The following NFIC variants were observed in gnomAD, a reference collection of about 807,000 sequenced individuals.
The protein encoded by NFIC is nuclear factor I C, also known as nuclear factor 1 C-type.
NFIC carries 12 observed loss-of-function variants against 54.4 expected under a neutral mutation model. The ratio of observed to expected loss-of-function variants is 0.22; its 90% CI spans 0.14 to 0.36. The LOEUF is 0.36. Ranked by LOEUF, NFIC falls within the 10% of genes least tolerant of loss-of-function variation. NFIC has a pLI of 1.00. For missense variants in NFIC, 575 were observed against 718.2 expected, an observed-to-expected ratio of 0.80 and a Z score of 2.28; for synonymous variants, 322 against 319.2, an observed-to-expected ratio of 1.01 and a Z score of -0.09.
At chr19:3,395,515 G>T (rs2081448372) in intron 2 of NFIC, among the ~76,000 whole-genome samples, 4 of 137,126 alleles carry the variant, frequency 2.9e-5, no homozygotes, top group Non-Finnish European at 3.1e-5. Flanking sequence ...TTTTTTAGTA[G>T]AGATGAGGTC....
Position 3,370,795 on chromosome 19 carries a change from T to C in NFIC, c.30+4129T>C, listed in dbSNP as rs2080993995. On this transcript the variant is annotated intron_variant, in intron 1 of 10. Transcript: ENST00000443272. The surrounding 1 kb of genome is among the most constrained non-coding windows in gnomAD (Gnocchi z 5.2). ...GCCTCCCTCCCTGTCTCACACCAAA[T>C]GGATGGGAAATGCTGCCTGGGCCTC... Among the ~76,000 whole-genome samples the C allele has an allele frequency of 1.3e-5, 2 of 151,918 alleles. No individual in the cohort carries two copies. The highest frequency in any genetic ancestry group is 2.9e-5 in the Non-Finnish European group (2 of 67,974).
At chr19:3,434,152 A>C in intron 4 of NFIC, 125 bp from the exon 5 acceptor site, 1 of 1,406,118 alleles carries the variant, frequency 7.1e-7, no homozygotes, top group Non-Finnish European at 9.5e-7. Context: ...CACCCTAGGA[A>C]CCGGGCCAAT....
intron 3 of NFIC, among the ~76,000 whole-genome samples, chr19:3,428,563 T>C (rs1324363527): frequency 6.6e-6 from 1 of 151,478 alleles, no homozygotes; most frequent in Non-Finnish European, 1.5e-5. Flanking sequence ...TTCTCGGAGG[T>C]TCACAGGCCT....
chr19:3,412,380 C>T (rs934648750), intron 2 of NFIC, among the ~76,000 whole-genome samples: 5 of 152,096 alleles, frequency 3.3e-5, no homozygotes, highest in Non-Finnish European at 7.4e-5. Context: ...CAAGTAGCTG[C>T]GACTACAGGA....
At chr19:3,462,683 C>G in intron 10 of NFIC, 69 bp from the exon 11 acceptor site, 1 of 1,546,526 alleles carries the variant, frequency 6.5e-7, no homozygotes, top group Non-Finnish European at 8.9e-7. Flanking sequence ...ATGTCTGCAG[C>G]AGAGTCTGAC....
upstream of NFIC, among the ~76,000 whole-genome samples, chr19:3,364,508 C>T (rs1431841126): frequency 6.6e-6 from 1 of 152,232 alleles, no homozygotes; most frequent in Non-Finnish European, 1.5e-5. Flanking sequence ...GGGATATAGG[C>T]TGCTGTTCGT....
At chr19:3,363,247 A>C (rs59143512), upstream of NFIC, among the ~76,000 whole-genome samples, 1 of 43,520 alleles carries the variant, frequency 2.3e-5, no homozygotes, top group Non-Finnish European at 4.3e-5. Flanking sequence ...GTGTGTATAT[A>C]TATATATATA....
upstream of NFIC, among the ~76,000 whole-genome samples, chr19:3,365,738 C>T (rs1568393750): frequency 1.3e-5 from 2 of 152,166 alleles, no homozygotes; most frequent in Non-Finnish European, 2.9e-5. Context: ...GCCTGGACAC[C>T]GTCCTCCTGG....
chr19:3,405,018 C>G (rs929691307), intron 2 of NFIC, among the ~76,000 whole-genome samples: 1 of 152,288 alleles, frequency 6.6e-6, no homozygotes, highest in African/African-American at 2.4e-5. Flanking sequence ...CGCAGGACAC[C>G]GAGGCGTCCA....
At chr19:3,408,658 G>T (rs1031965055) in intron 2 of NFIC, among the ~76,000 whole-genome samples, 1 of 152,092 alleles carries the variant, frequency 6.6e-6, no homozygotes, top group Non-Finnish European at 1.5e-5. Flanking sequence ...GTCTCACTCT[G>T]TCGCGCCAAC....
At chr19:3,457,329 A>AGGCC (rs1264499402) in intron 10 of NFIC, among the ~76,000 whole-genome samples, 3 of 152,210 alleles carry the variant, frequency 2.0e-5, no homozygotes, top group African/African-American at 7.2e-5. Context: ...GCAGGCAGGC[A>AGGCC]GGAGGTTGAC....
chr19:3,378,261 CAA>C (rs77487928), intron 1 of NFIC, among the ~76,000 whole-genome samples: 21 of 51,668 alleles, frequency 4.1e-4, no homozygotes, highest in Admixed American at 8.6e-4. Context: ...AACTCTGTCT[CAA>C]AAAAAAAAAA....
At chr19:3,379,970 C>T (rs2081173870) in intron 1 of NFIC, among the ~76,000 whole-genome samples, 2 of 151,866 alleles carry the variant, frequency 1.3e-5, no homozygotes, top group African/African-American at 4.8e-5. Context: ...GTGTGAGCCA[C>T]CATGCTTGGC....
At chr19:3,413,633 A>G (rs974421213) in intron 2 of NFIC, among the ~76,000 whole-genome samples, 2 of 150,884 alleles carry the variant, frequency 1.3e-5, no homozygotes, top group East Asian at 3.9e-4. Flanking sequence ...GGAATTACTC[A>G]CTGCGCATTA....
Position 3,369,344 on chromosome 19 carries a change from GTCTC to G in NFIC, c.30+2684_30+2687del, listed in dbSNP as rs376934694. ...GTCTCCCCTTGCCCCCTCTCTCCCT[GTCTC>G]TCTCTATCTCTGCATGTGTCTCCTT... On this transcript the variant is annotated intron_variant, in intron 1 of 10. Coordinates refer to ENST00000443272, the MANE Select transcript of NFIC (RefSeq NM_001245002.2). The surrounding 1 kb of genome is among the most constrained non-coding windows in gnomAD (Gnocchi z 4.3). 2.6e-5 allele frequency among the ~76,000 whole-genome samples: 4 copies of G among 151,494 alleles called. No homozygotes were observed. Among genetic ancestry groups the G allele is most frequent in the African/African-American group, 9.7e-5 (4 of 41,128 alleles).
chr19:3,370,319 A>C lies in NFIC; in HGVS notation c.30+3653A>C, dbSNP rs1225002776. Among the ~76,000 whole-genome samples, 1 of 151,748 alleles carries C rather than the reference A, an allele frequency of 6.6e-6. No homozygotes were observed. The highest frequency in any genetic ancestry group is 1.5e-5 in the Non-Finnish European group (1 of 67,874). On this transcript the variant is annotated intron_variant, in intron 1 of 10. Transcript: ENST00000443272. The surrounding 1 kb of genome is among the most constrained non-coding windows in gnomAD (Gnocchi z 5.2). ...CCTGGTGGCCTCTGATTCACTCTCT[A>C]CAAGGCTCCACCACTCTCCCGCTGT...
At chr19:3,429,814 T>C (rs1224703537) in intron 3 of NFIC, among the ~76,000 whole-genome samples, 1 of 152,182 alleles carries the variant, frequency 6.6e-6, no homozygotes, top group Middle Eastern at 3.2e-3. Context: ...AGTGCATTTC[T>C]ACCCGGAGGC....
In NFIC at chr19:3,464,522, C is replaced by T. The variant is rs919878204; in HGVS notation, c.*1753C>T. Reference sequence around the variant, plus strand: ...CCGAGCTCAAACACAAGGACCCCTCCCCGGCCCACCCAGCCCAGCCCCAAC... The same window carrying T: ...CCGAGCTCAAACACAAGGACCCCTCTCCGGCCCACCCAGCCCAGCCCCAAC... On this transcript the variant is annotated 3_prime_UTR_variant, in exon 11 of 11. Transcript: ENST00000443272. The T allele has an allele frequency of 3.7e-4, 357 of 973,078 alleles. No individual in the cohort carries two copies. The highest frequency in any genetic ancestry group is 4.2e-4 in the Non-Finnish European group (341 of 820,864). The allele number at this position is 973,078 out of a possible 1,614,324, so 60.3% of individuals were successfully genotyped here.
At chr19:3,395,899 T>G (rs56303476) in intron 2 of NFIC, among the ~76,000 whole-genome samples, 1 of 151,876 alleles carries the variant, frequency 6.6e-6, no homozygotes. Context: ...AGGCTGGTCT[T>G]GAACTCCTGA....
Sources: gnomAD v4.1 joint callset for allele counts (sites outside exome capture counted in the v4.1 genomes callset) on GRCh38, gnomAD v4.1.1 for gene constraint, Gnocchi (gnomAD v3.1) non-coding constraint, MANE v1.5 for transcripts, NCBI Gene and HGNC (gene_info 2026-07-23, HGNC 2026-07-21) for gene names.